The following KCND2 variants were observed in gnomAD, a reference collection of about 807,000 sequenced individuals.
The protein encoded by KCND2 is A-type voltage-gated potassium channel KCND2.
KCND2 carries 16 observed loss-of-function variants against 54.4 expected under a neutral mutation model. The observed-to-expected ratio is 0.29, with a 90% CI of 0.20 to 0.45. The LOEUF is 0.45. Ranked by LOEUF, KCND2 falls within the 20% of genes least tolerant of loss-of-function variation. The probability of loss-of-function intolerance (pLI) is 1.00; values close to 1 mark genes in which losing one functional copy is unlikely to be tolerated. For missense variants in KCND2, 486 were observed against 824.2 expected (o/e 0.59, Z 5.02); for synonymous variants, 317 against 310.7 (o/e 1.02, Z -0.21).
At chr7:120,647,152 A>G (rs1793452062) in intron 1 of KCND2, among the ~76,000 whole-genome samples, 1 of 152,208 alleles carries the variant, frequency 6.6e-6, no homozygotes, top group African/African-American at 2.4e-5. Context: ...ATCTTTGTGC[A>G]TAGTACTCTC....
intron 1 of KCND2, among the ~76,000 whole-genome samples, chr7:120,502,501 G>T (rs1038489377): frequency 1.3e-5 from 2 of 152,032 alleles, no homozygotes; most frequent in African/African-American, 4.8e-5. Context: ...TCTTGGTCTA[G>T]ATGAAAGTTT....
chr7:120,513,683 GT>G (rs2116335426), intron 1 of KCND2, among the ~76,000 whole-genome samples: 1 of 151,914 alleles, frequency 6.6e-6, no homozygotes, highest in African/African-American at 2.4e-5. Context: ...TGTTGATTTC[GT>G]TTTTTGTTTG....
chr7:120,326,313 A>G (rs1799976619), intron 1 of KCND2, among the ~76,000 whole-genome samples: 1 of 152,118 alleles, frequency 6.6e-6, no homozygotes, highest in African/African-American at 2.4e-5. Flanking sequence ...TTACTTTATG[A>G]CAGAGAGTAG....
At chr7:120,609,829 G>A (rs985315373) in intron 1 of KCND2, among the ~76,000 whole-genome samples, 1 of 152,018 alleles carries the variant, frequency 6.6e-6, no homozygotes, top group Non-Finnish European at 1.5e-5. Context: ...ACCAAGTGTG[G>A]GGCTCTTCTA....
chr7:120,657,003 A>G (rs1791811130), intron 1 of KCND2, among the ~76,000 whole-genome samples: 1 of 152,196 alleles, frequency 6.6e-6, no homozygotes. Context: ...CATCCCAAGA[A>G]AACTTTTTTG....
At position 120,350,108 on chromosome 7, in the gene KCND2, T is replaced by C. The variant is rs140153263; in HGVS notation, c.1115+74361T>C. ...AATATCACTTTGTGAGGTAAATGTA[T>C]CAGGGTTTATGAAAACTATGAAATC... On this transcript the variant is annotated intron_variant, in intron 1 of 5. Transcript: ENST00000331113. Among the ~76,000 whole-genome samples, 35 of 152,226 alleles carry C rather than the reference T, an allele frequency of 2.3e-4. No homozygotes were observed. The East Asian group carries it at 5.8e-3, about 25-fold the overall frequency.
intron 1 of KCND2, among the ~76,000 whole-genome samples, chr7:120,598,275 G>A (rs1268388026): frequency 6.6e-6 from 1 of 152,044 alleles, no homozygotes; most frequent in South Asian, 2.1e-4. Flanking sequence ...CTACAAGGTA[G>A]TTCCTTTTAC....
intron 3 of KCND2, 90 bp from the exon 4 acceptor site, chr7:120,742,420 A>G: frequency 1.0e-6 from 1 of 1,000,868 alleles, no homozygotes; most frequent in Non-Finnish European, 1.6e-6. Flanking sequence ...GCCAGTTAAT[A>G]GAGCAGATCT....
intron 1 of KCND2, among the ~76,000 whole-genome samples, chr7:120,330,581 C>CAA (rs3067024): frequency 0.67 from 32,239 of 48,380 alleles, 14,011 homozygotes; most frequent in East Asian, 0.88. Context: ...AACTCTGTCT[C>CAA]AAAAAAAAAA....
At chr7:120,396,686 T>A (rs1051306634) in intron 1 of KCND2, among the ~76,000 whole-genome samples, 1 of 152,034 alleles carries the variant, frequency 6.6e-6, no homozygotes, top group Non-Finnish European at 1.5e-5. Flanking sequence ...TGTGCACATG[T>A]GAGTCCTAAT....
At chr7:120,614,945 A>C (rs956436599) in intron 1 of KCND2, among the ~76,000 whole-genome samples, 4 of 152,178 alleles carry the variant, frequency 2.6e-5, no homozygotes, top group African/African-American at 9.6e-5. Flanking sequence ...TTTTCTTTTC[A>C]AACAACATAC....
At chr7:120,443,452 A>T (rs1337808051) in intron 1 of KCND2, among the ~76,000 whole-genome samples, 2 of 151,718 alleles carry the variant, frequency 1.3e-5, no homozygotes, top group African/African-American at 4.8e-5. Context: ...CTTTCCATGG[A>T]GACATTGACA....
intron 1 of KCND2, among the ~76,000 whole-genome samples, chr7:120,574,652 T>C (rs1224007746): frequency 2.0e-5 from 3 of 152,296 alleles, no homozygotes; most frequent in Middle Eastern, 3.4e-3. Flanking sequence ...GGGATTGTTT[T>C]TGTTAGACTG....
At chr7:120,560,175 T>C (rs1236047308) in intron 1 of KCND2, among the ~76,000 whole-genome samples, 1 of 152,198 alleles carries the variant, frequency 6.6e-6, no homozygotes, top group Non-Finnish European at 1.5e-5. Context: ...TAATTCAACA[T>C]TGATATAAAC....
intron 1 of KCND2, among the ~76,000 whole-genome samples, chr7:120,696,881 C>G (rs189198160): frequency 1.7e-4 from 26 of 152,238 alleles, no homozygotes; most frequent in African/African-American, 6.0e-4. Flanking sequence ...CTCAGGTATT[C>G]CATTACAGCA....
At chr7:120,524,646 T>G (rs962176533) in intron 1 of KCND2, among the ~76,000 whole-genome samples, 3 of 152,162 alleles carry the variant, frequency 2.0e-5, no homozygotes, top group African/African-American at 7.2e-5. Context: ...ATAATAAAGG[T>G]CATTGATATT....
intron 1 of KCND2, among the ~76,000 whole-genome samples, chr7:120,387,047 T>C (rs1800999335): frequency 1.3e-5 from 2 of 152,126 alleles, no homozygotes; most frequent in South Asian, 4.1e-4. Flanking sequence ...TAACATACTA[T>C]GTAGCTGATT....
rs1194628068 is a variant in KCND2 at position 120,593,167 on chromosome 7, TGAAA to T, written c.1116-139731_1116-139728del. On this transcript the variant is annotated intron_variant, in intron 1 of 5. Transcript: ENST00000331113. The stretch of plus-strand genomic sequence containing the variant: ...GTTTAGCTCAGCACTAACACAAAAA[TGAAA>T]GAAAATTTTGTACCTATCAAATATT... Among the ~76,000 whole-genome samples the T allele has an allele frequency of 3.3e-5, 5 of 152,278 alleles. No individual in the cohort carries two copies. The South Asian group carries it at 1.0e-3, about 32-fold the overall frequency.
chr7:120,678,773 TATATA>T (rs1792104009), intron 1 of KCND2, among the ~76,000 whole-genome samples: 2 of 114,598 alleles, frequency 1.7e-5, no homozygotes, highest in Admixed American at 8.9e-5. Context: ...TATATATATA[TATATA>T]CACATAAACA....
Sources: gnomAD v4.1 joint callset for allele counts (sites outside exome capture counted in the v4.1 genomes callset) on GRCh38, gnomAD v4.1.1 for gene constraint, MANE v1.5 for transcripts, NCBI Gene and HGNC (gene_info 2026-07-23, HGNC 2026-07-21) for gene names.